CHIC1: variants seen among roughly 807,000 people sequenced by gnomAD.
The protein encoded by CHIC1 is cysteine-rich hydrophobic domain-containing protein 1.
CHIC1 carries 7 observed loss-of-function variants against 18.5 expected under a neutral mutation model. That is an observed-to-expected ratio of 0.38 (90% CI 0.22 to 0.71). The LOEUF is 0.71. Ranked by LOEUF, CHIC1 falls within the 30% of genes least tolerant of loss-of-function variation. The pLI, the probability that CHIC1 is intolerant of heterozygous loss-of-function variation, is 0.49. For missense variants in CHIC1, 159 were observed against 176.9 expected, an observed-to-expected ratio of 0.90 and a Z score of 0.57; for synonymous variants, 77 against 73.5, an observed-to-expected ratio of 1.05 and a Z score of -0.25.
chrX:73,665,103 G>A (rs2057998127), intron 3 of CHIC1, among the ~76,000 whole-genome samples: 1 of 112,097 alleles, frequency 8.9e-6, no homozygotes, highest in African/African-American at 3.2e-5. Context: ...AATGCCACTT[G>A]CCTAAGACAG....
chrX:73,600,606 A>T (rs1331965006), intron 3 of CHIC1, among the ~76,000 whole-genome samples: 2 of 108,087 alleles, frequency 1.9e-5, no homozygotes, highest in African/African-American at 7.2e-5. Flanking sequence ...TGGTTTTTGT[A>T]TTTGGCTCTG....
rs1051023468 is a variant in CHIC1 at position 73,577,446 on chromosome X, C to T, written c.336C>T (p.Ser112=). ...LSNKFDTEFP[S]VLTGKVAPEE... ...ACAAGTTTGATACTGAATTTCCCTC[C>T]GTTCTAACAGGGAAGGTAAGTGAGA... The change falls in exon 2 of 6, where the codon TCC becomes TCT. Residue 112 remains serine (S), a synonymous_variant. Coordinates refer to ENST00000373502, the MANE Select transcript of CHIC1 (RefSeq NM_001039840.4). The T allele has an allele frequency of 5.0e-6, 6 of 1,193,248 alleles. No homozygotes were observed. The highest frequency in any genetic ancestry group is 6.8e-6 in the Non-Finnish European group (6 of 880,755).
At chrX:73,666,306 C>T (rs1456435367) in intron 3 of CHIC1, among the ~76,000 whole-genome samples, 1 of 111,341 alleles carries the variant, frequency 9.0e-6, no homozygotes, top group Non-Finnish European at 1.9e-5. Flanking sequence ...TATTAACTTA[C>T]ACAATCACAA....
chrX:73,675,169 A>T (rs2058055025), intron 3 of CHIC1, among the ~76,000 whole-genome samples: 1 of 111,113 alleles, frequency 9.0e-6, no homozygotes, highest in Non-Finnish European at 1.9e-5. Flanking sequence ...TCAGTTTTGG[A>T]GTAGGTGTGG....
chrX:73,599,509 A>AT (rs2057631017), intron 3 of CHIC1, among the ~76,000 whole-genome samples: 1 of 102,517 alleles, frequency 9.8e-6, no homozygotes, highest in Non-Finnish European at 1.9e-5. Flanking sequence ...TGATTTTTGT[A>AT]TAAGGTGTAA....
At chrX:73,633,222 C>G (rs2057816058) in intron 3 of CHIC1, among the ~76,000 whole-genome samples, 1 of 109,635 alleles carries the variant, frequency 9.1e-6, no homozygotes, top group African/African-American at 3.3e-5. Flanking sequence ...GAACTTACAT[C>G]CCTCCCCCCA....
chrX:73,601,223 A>G (rs2057646911), intron 3 of CHIC1, among the ~76,000 whole-genome samples: 1 of 105,361 alleles, frequency 9.5e-6, no homozygotes, highest in African/African-American at 3.7e-5. Flanking sequence ...ATAGACATCT[A>G]CAGAACTCTC....
At chrX:73,656,020 C>G (rs113936358) in intron 3 of CHIC1, among the ~76,000 whole-genome samples, 5,361 of 24,987 alleles carry the variant, frequency 0.21, 324 homozygotes, top group African/African-American at 0.42. Flanking sequence ...GATGTGAGAT[C>G]GTATCTCATT....
intron 3 of CHIC1, among the ~76,000 whole-genome samples, chrX:73,586,490 A>G (rs1292430584): frequency 8.9e-6 from 1 of 111,798 alleles, no homozygotes; most frequent in African/African-American, 3.2e-5. Context: ...ATTTTTGTCT[A>G]CATGAAGAAA....
chrX:73,675,825 C>T (rs1200004595), intron 3 of CHIC1, among the ~76,000 whole-genome samples: 1 of 110,586 alleles, frequency 9.0e-6, no homozygotes, highest in South Asian at 3.9e-4. Context: ...TCTTCCTAGC[C>T]TCAATGGTCT....
intron 3 of CHIC1, among the ~76,000 whole-genome samples, chrX:73,614,649 C>T (rs1247230338): frequency 9.1e-6 from 1 of 109,634 alleles, no homozygotes; most frequent in Non-Finnish European, 1.9e-5. Context: ...TTGAACTTTT[C>T]TGTTAAAGAT....
At chrX:73,671,513 C>T (rs2058030257) in intron 3 of CHIC1, among the ~76,000 whole-genome samples, 2 of 111,335 alleles carry the variant, frequency 1.8e-5, no homozygotes, top group Admixed American at 1.9e-4. Flanking sequence ...AAAGATTTGT[C>T]TTCAAGTTCA....
At chrX:73,584,230 A>G (rs926265500) in intron 2 of CHIC1, among the ~76,000 whole-genome samples, 187 bp from the exon 3 acceptor site, 2 of 109,727 alleles carry the variant, frequency 1.8e-5, no homozygotes, top group Non-Finnish European at 3.8e-5. Context: ...GCTAAGTTCT[A>G]TGAACTTGAA....
intron 3 of CHIC1, among the ~76,000 whole-genome samples, chrX:73,590,802 T>G (rs750805132): frequency 1.3e-4 from 14 of 111,870 alleles, no homozygotes; most frequent in African/African-American, 4.5e-4. Context: ...TCATTTCTTT[T>G]TATCACTGAA....
intron 3 of CHIC1, among the ~76,000 whole-genome samples, chrX:73,628,799 T>C (rs1323242034): frequency 2.7e-5 from 3 of 111,617 alleles, no homozygotes; most frequent in African/African-American, 9.8e-5. Flanking sequence ...TATTTCTTTA[T>C]AGATAGTTGT....
chrX:73,654,384 C>G (rs1412917924), intron 3 of CHIC1, among the ~76,000 whole-genome samples: 1 of 111,078 alleles, frequency 9.0e-6, no homozygotes, highest in Non-Finnish European at 1.9e-5. Flanking sequence ...GGGATAAATC[C>G]CACTTGATCA....
intron 3 of CHIC1, among the ~76,000 whole-genome samples, chrX:73,600,460 G>A (rs1276432684): frequency 5.7e-5 from 6 of 105,420 alleles, no homozygotes; most frequent in Admixed American, 5.1e-4. Context: ...GTATGATATT[G>A]GCTGTGGGTT....
At chrX:73,674,684 G>C (rs1389312857) in intron 3 of CHIC1, among the ~76,000 whole-genome samples, 1 of 111,499 alleles carries the variant, frequency 9.0e-6, no homozygotes, top group Non-Finnish European at 1.9e-5. Flanking sequence ...CAGAAAACCA[G>C]CTCCTGGATT....
At chrX:73,618,531 A>C (rs2057744010) in intron 3 of CHIC1, among the ~76,000 whole-genome samples, 1 of 111,095 alleles carries the variant, frequency 9.0e-6, no homozygotes, top group African/African-American at 3.3e-5. Flanking sequence ...CTGCTGTGTC[A>C]TGCAGGTTGT....
Sources: allele counts gnomAD v4.1 joint callset (sites outside exome capture counted in the v4.1 genomes callset), GRCh38; gene constraint gnomAD v4.1.1; transcripts MANE v1.5; gene names NCBI Gene and HGNC (gene_info 2026-07-23, HGNC 2026-07-21).